MALRD1: variants seen among roughly 807,000 people sequenced by gnomAD.
MALRD1 encodes the protein MAM and LDL receptor class A domain containing 1, also known as MAM and LDL-receptor class A domain-containing protein 1.
A neutral mutation model predicts 242.1 loss-of-function variants in MALRD1; 247 were observed. The observed-to-expected ratio is 1.02, with a 90% CI of 0.92 to 1.13. MALRD1 has a LOEUF of 1.13. Among genes scored for constraint, MALRD1 ranks in the 50% most tolerant of loss-of-function variants. The pLI is 0.00. For missense variants in MALRD1, 2,989 were observed against 2,533.1 expected (o/e 1.18, Z -3.86); for synonymous variants, 995 against 866.6 (o/e 1.15, Z -2.60).
rs1156254998 is a variant in MALRD1 at position 19,430,111 on chromosome 10, C to CTTTTTTTTTTTTTT, written c.4846-20188_4846-20175dup. 8.9e-4 allele frequency among the ~76,000 whole-genome samples: 74 copies of CTTTTTTTTTTTTTT among 83,520 alleles called. 3 individuals are homozygous for CTTTTTTTTTTTTTT. Among genetic ancestry groups the CTTTTTTTTTTTTTT allele is most frequent in the Non-Finnish European group, 1.1e-3 (53 of 46,688 alleles). The allele number at this position is 83,520 out of a possible 152,430, so 54.8% of individuals were successfully genotyped here. On this transcript the variant is annotated intron_variant, in intron 28 of 39. Transcript: ENST00000454679. ...CTTTGCTTGGAATTTCTCCATTTTC[C>CTTTTTTTTTTTTTT]TTTTTTTTTTTTTTTTTTTTTGAGA...
At chr10:19,247,617 T>C (rs539594908) in intron 18 of MALRD1, among the ~76,000 whole-genome samples, 1 of 152,050 alleles carries the variant, frequency 6.6e-6, no homozygotes, top group South Asian at 2.1e-4. Context: ...ATTTTGGGAA[T>C]CAGAGGCTTA....
At chr10:19,548,435 A>T (rs1375919571) in intron 32 of MALRD1, among the ~76,000 whole-genome samples, 2 of 152,002 alleles carry the variant, frequency 1.3e-5, no homozygotes, top group African/African-American at 4.8e-5. Context: ...ATCTATTTTG[A>T]ATGAAAATTA....
intron 33 of MALRD1, among the ~76,000 whole-genome samples, chr10:19,580,100 G>C (rs1056019456): frequency 3.0e-4 from 46 of 152,160 alleles, no homozygotes; most frequent in African/African-American, 1.1e-3. Context: ...GACCTTCTGG[G>C]TTGCAGGCCT....
At chr10:19,349,361 A>C (rs2130988345) in intron 25 of MALRD1, among the ~76,000 whole-genome samples, 1 of 152,322 alleles carries the variant, frequency 6.6e-6, no homozygotes. Flanking sequence ...CTGCCATAGT[A>C]TTAATACATG....
At chr10:19,494,703 A>G (rs1221705968) in intron 30 of MALRD1, among the ~76,000 whole-genome samples, 1 of 152,168 alleles carries the variant, frequency 6.6e-6, no homozygotes, top group Non-Finnish European at 1.5e-5. Flanking sequence ...TGGATTACTG[A>G]AAAAACATAG....
At chr10:19,562,465 C>T (rs1836024777) in intron 32 of MALRD1, among the ~76,000 whole-genome samples, 1 of 152,128 alleles carries the variant, frequency 6.6e-6, no homozygotes, top group Admixed American at 6.5e-5. Context: ...ATTTAACTTT[C>T]AAACTTATTC....
intron 30 of MALRD1, among the ~76,000 whole-genome samples, chr10:19,498,106 C>A (rs1238950274): frequency 6.6e-6 from 1 of 152,206 alleles, no homozygotes; most frequent in African/African-American, 2.4e-5. Flanking sequence ...ATAGGCTATG[C>A]TATTCAAACA....
At chr10:19,230,049 C>T (rs574130865) in intron 18 of MALRD1, among the ~76,000 whole-genome samples, 12 of 152,132 alleles carry the variant, frequency 7.9e-5, no homozygotes, top group African/African-American at 1.2e-4. Flanking sequence ...TTTTATAAGG[C>T]GAAACCCCTT....
intron 29 of MALRD1, among the ~76,000 whole-genome samples, chr10:19,479,818 G>C (rs1044422211): frequency 1.3e-5 from 2 of 152,140 alleles, no homozygotes; most frequent in Admixed American, 6.5e-5. Flanking sequence ...TGGCCTTCAA[G>C]GTCTATCCCA....
chr10:19,655,231 A>C (rs749636609), intron 36 of MALRD1, among the ~76,000 whole-genome samples: 7 of 152,056 alleles, frequency 4.6e-5, no homozygotes, highest in Admixed American at 1.3e-4. Flanking sequence ...ATTAATTTTG[A>C]AAATGAAATG....
intron 9 of MALRD1, 54 bp downstream of exon 9, chr10:19,134,002 G>C: frequency 1.0e-6 from 1 of 954,306 alleles, no homozygotes; most frequent in East Asian, 3.3e-5. Flanking sequence ...TTTTAGCTTT[G>C]CAGTAATAAA....
At chr10:19,633,635 GA>G (rs1028636500) in intron 36 of MALRD1, 2 of 151,856 alleles carry the variant, frequency 1.3e-5, no homozygotes, top group Non-Finnish European at 2.9e-5. Flanking sequence ...CCAAAGTAAA[GA>G]AACTCCAAAA....
At chr10:19,487,974 T>A (rs1040036714) in intron 29 of MALRD1, among the ~76,000 whole-genome samples, 3 of 152,192 alleles carry the variant, frequency 2.0e-5, no homozygotes, top group African/African-American at 7.2e-5. Flanking sequence ...TTCTTTTTAT[T>A]TGTGGAAGTA....
Position 19,524,466 on chromosome 10 carries a change from G to GA in MALRD1, c.5321-6716dup, listed in dbSNP as rs374439190. On this transcript the variant is annotated intron_variant, in intron 31 of 39. Transcript: ENST00000454679. ...CACTGCAGCCTGGGAGACAGAGTAA[G>GA]AAAAAAAAAAAATTGCAGATGCACG... Among the ~76,000 whole-genome samples, 308 of 144,314 alleles carry GA rather than the reference G, an allele frequency of 2.1e-3. 1 individual carries two copies. Among genetic ancestry groups the GA allele is most frequent in the South Asian group, 6.7e-3 (31 of 4,610 alleles). The allele number at this position is 144,314 out of a possible 152,430, so 94.7% of individuals were successfully genotyped here.
At chr10:19,597,418 G>A (rs533717699) in intron 34 of MALRD1, among the ~76,000 whole-genome samples, 1 of 152,216 alleles carries the variant, frequency 6.6e-6, no homozygotes, top group East Asian at 1.9e-4. Flanking sequence ...TGTTCCAAAA[G>A]GGAAATAAGG....
chr10:19,607,495 G>T lies in MALRD1; in HGVS notation c.5945-282G>T, dbSNP rs142679403. 2.6e-5 allele frequency among the ~76,000 whole-genome samples: 4 copies of T among 152,194 alleles called. No homozygotes were observed. In the East Asian group the frequency reaches 7.8e-4, roughly 30 times the overall value. Reference sequence around the variant, plus strand: ...ATCTGTAAATACAGTCCTGTTGCGGGTTAGGGTTTCAAGATATGAATGTTG... The same window carrying T: ...ATCTGTAAATACAGTCCTGTTGCGGTTTAGGGTTTCAAGATATGAATGTTG... On this transcript the variant is annotated intron_variant, in intron 34 of 39. Coordinates refer to ENST00000454679, the MANE Select transcript of MALRD1 (RefSeq NM_001142308.3).
chr10:19,527,953 A>G (rs7082357), intron 31 of MALRD1, among the ~76,000 whole-genome samples: 56,951 of 152,108 alleles, frequency 0.37, 12,261 homozygotes, highest in Non-Finnish European at 0.48. Flanking sequence ...TAAAGAAAGT[A>G]CGTTTTTAAT....
intron 34 of MALRD1, among the ~76,000 whole-genome samples, chr10:19,601,686 A>G (rs543470848): frequency 6.6e-6 from 1 of 152,150 alleles, no homozygotes; most frequent in South Asian, 2.1e-4. Context: ...GTGAACTTAT[A>G]ACACTTATAA....
At chr10:19,571,247 C>T (rs1352368330) in intron 33 of MALRD1, among the ~76,000 whole-genome samples, 1 of 152,044 alleles carries the variant, frequency 6.6e-6, no homozygotes, top group Non-Finnish European at 1.5e-5. Flanking sequence ...TGTTCTGGAG[C>T]AAATGTTTAT....
Sources: allele counts gnomAD v4.1 joint callset (sites outside exome capture counted in the v4.1 genomes callset), GRCh38; gene constraint gnomAD v4.1.1; transcripts MANE v1.5; gene names NCBI Gene and HGNC (gene_info 2026-07-23, HGNC 2026-07-21).